ASMTL: variants seen among roughly 807,000 people sequenced by gnomAD.
ASMTL encodes the protein acetylserotonin O-methyltransferase like.
Under a neutral mutation model 60.3 loss-of-function variants are expected in ASMTL, and 57 were observed. The ratio of observed to expected loss-of-function variants is 0.95; its 90% CI spans 0.76 to 1.18. The LOEUF (loss-of-function observed/expected upper bound fraction) is 1.18, where lower values mean the gene tolerates loss of function less well. ASMTL is among the 50% of genes most tolerant of loss of function. The pLI, the probability that ASMTL is intolerant of heterozygous loss-of-function variation, is 0.00. For synonymous variants in ASMTL, 419 were observed against 373.0 expected (o/e 1.12, Z -1.42); for missense variants, 981 against 852.6 (o/e 1.15, Z -1.88).
In ASMTL at chrX:1,403,437, C is replaced by G; in HGVS notation, c.1698G>C (p.Ala566=). The G allele has an allele frequency of 1.2e-6, 2 of 1,613,230 alleles. No homozygotes were observed. Among genetic ancestry groups the G allele is most frequent in the Non-Finnish European group, 1.7e-6 (2 of 1,179,862 alleles). ...ETLLDEEKRV[A]QRALMQSLNM... is the part of the protein sequence containing the mutation. Reference sequence around the variant, plus strand: ...TCAGTGACTGCATCAGGGCGCGCTGCGCCACCCTCTTCTCCTCATCCAGGA... The same window carrying G: ...TCAGTGACTGCATCAGGGCGCGCTGGGCCACCCTCTTCTCCTCATCCAGGA... Residue 566 remains alanine (A), a synonymous_variant, in exon 13 of 13, where the codon GCG becomes GCC. Transcript: ENST00000381317.
At chrX:1,404,690 G>GCAGA (rs1556652071) in intron 12 of ASMTL, among the ~76,000 whole-genome samples, 4 of 144,632 alleles carry the variant, frequency 2.8e-5, no homozygotes, top group Admixed American at 2.7e-4. Context: ...TGATGGGTAG[G>GCAGA]TAGATGAATG....
chrX:1,405,176 G>A (rs868559527), intron 12 of ASMTL, among the ~76,000 whole-genome samples: 3 of 119,298 alleles, frequency 2.5e-5, no homozygotes, highest in African/African-American at 8.9e-5. Context: ...GGATGGTTGG[G>A]TGAATAGATG....
chrX:1,429,753 C>T (rs754653500), intron 6 of ASMTL, among the ~76,000 whole-genome samples: 46 of 151,754 alleles, frequency 3.0e-4, no homozygotes, highest in Non-Finnish European at 5.2e-4. Flanking sequence ...GCCAAGATCG[C>T]GCCACTGCAC....
chrX:1,419,964 G>C (rs1393291517), intron 9 of ASMTL, among the ~76,000 whole-genome samples: 1 of 151,712 alleles, frequency 6.6e-6, no homozygotes, highest in Admixed American at 6.6e-5. Context: ...CTCCGTCTGT[G>C]TGTCTCTGTC....
At chrX:1,417,525 ACACACACACACATG>A (rs2090333844) in intron 11 of ASMTL, among the ~76,000 whole-genome samples, 1 of 121,330 alleles carries the variant, frequency 8.2e-6, no homozygotes, top group Non-Finnish European at 1.6e-5. Context: ...ACAGACATGC[ACACACACACACATG>A]CACACAGACA....
chrX:1,421,784 C>G lies in ASMTL; in HGVS notation c.1119G>C (p.Leu373=), dbSNP rs764161709. ...CATTATTGTGCATGATGAAGCCGTGCAGAGAGTATTCGCCATCCGATGCCA... is the reference window on the plus strand; with the variant it reads ...CATTATTGTGCATGATGAAGCCGTGGAGAGAGTATTCGCCATCCGATGCCA... ...VYLASDGEYS[L]HGFIMHNNDL... Residue 373 remains leucine, a synonymous_variant, in exon 9 of 13, where the codon CTG becomes CTC. Coordinates refer to ENST00000381317, the MANE Select transcript of ASMTL (RefSeq NM_004192.4). The G allele has an allele frequency of 3.7e-6, 6 of 1,613,850 alleles. No homozygotes were observed. The highest frequency in any genetic ancestry group is 5.1e-6 in the Non-Finnish European group (6 of 1,179,824).
chrX:1,407,061 G>C (rs865966904), intron 12 of ASMTL, among the ~76,000 whole-genome samples: 50 of 149,522 alleles, frequency 3.3e-4, no homozygotes, highest in Non-Finnish European at 7.0e-4. Flanking sequence ...TGGATGGATG[G>C]ATGCATGCAT....
At chrX:1,432,157 C>T (rs368614697) in intron 6 of ASMTL, 112 bp downstream of exon 6, 11 of 842,970 alleles carry the variant, frequency 1.3e-5, no homozygotes, top group South Asian at 3.2e-5. Flanking sequence ...TGCCACACGG[C>T]CCCCGGAGCG....
At chrX:1,445,955 C>T (rs1203299329) in intron 1 of ASMTL, among the ~76,000 whole-genome samples, 2 of 152,014 alleles carry the variant, frequency 1.3e-5, no homozygotes, top group African/African-American at 4.8e-5. Context: ...AGACTCTGCT[C>T]CTCCACCTCC....
chrX:1,418,149 G>A (rs764746625), intron 10 of ASMTL, 33 bp from the exon 11 acceptor site: 6 of 1,563,218 alleles, frequency 3.8e-6, no homozygotes, highest in South Asian at 2.4e-5. Context: ...TCTGTGGCTG[G>A]GTCGTCTATG....
At chrX:1,410,652 T>G (rs2089975840) in intron 12 of ASMTL, among the ~76,000 whole-genome samples, 1 of 151,902 alleles carries the variant, frequency 6.6e-6, no homozygotes, top group Non-Finnish European at 1.5e-5. Context: ...GACCTCGAGA[T>G]CTGCCCGCTT....
chrX:1,420,080 ATC>A (rs1231088383), intron 9 of ASMTL, among the ~76,000 whole-genome samples: 2 of 144,560 alleles, frequency 1.4e-5, no homozygotes, highest in East Asian at 2.1e-4. Flanking sequence ...ATCTGCCTCT[ATC>A]TCTGTCTCTC....
At chrX:1,416,213 GCA>G (rs1388385526) in intron 11 of ASMTL, among the ~76,000 whole-genome samples, 1 of 124,354 alleles carries the variant, frequency 8.0e-6, no homozygotes, top group East Asian at 2.4e-4. Context: ...ACAGCAACAG[GCA>G]CACACAGACG....
At position 1,406,447 on chromosome X, in the gene ASMTL, G is replaced by GA. The variant is rs771041074; in HGVS notation, c.1646-2959dup. ...GGATGAGATGGATGGAGGGATGGGT[G>GA]AATAGATGGTAGATGATGGGTACGT... On this transcript the variant is annotated intron_variant, in intron 12 of 12. Transcript: ENST00000381317. 3.2e-4 allele frequency among the ~76,000 whole-genome samples: 49 copies of GA among 150,808 alleles called. 4 individuals are homozygous for GA. The East Asian group carries it at 9.8e-3, about 30-fold the overall frequency.
At chrX:1,432,433 CCT>C in intron 5 of ASMTL, 56 bp from the exon 6 acceptor site, 1 of 1,374,168 alleles carries the variant, frequency 7.3e-7, no homozygotes, top group Non-Finnish European at 1.0e-6. Context: ...ACCTCCGTGC[CCT>C]GACAGCTGCG....
intron 6 of ASMTL, among the ~76,000 whole-genome samples, chrX:1,431,304 A>G (rs1478663511): frequency 6.8e-5 from 9 of 131,564 alleles, no homozygotes; most frequent in African/African-American, 2.2e-4. Flanking sequence ...TATAAAATAT[A>G]TAAAATTATA....
At chrX:1,421,900 C>G in intron 8 of ASMTL, 58 bp from the exon 9 acceptor site, 1 of 1,498,680 alleles carries the variant, frequency 6.7e-7, no homozygotes, top group Non-Finnish European at 9.3e-7. Context: ...GGAAACCTGA[C>G]CGTAGGGGAT....
Position 1,403,279 on chromosome X carries a change from A to G in ASMTL, c.1856T>C (p.Val619Ala). 1.9e-6 allele frequency: 3 copies of G among 1,612,688 alleles called. No homozygotes were observed. Among genetic ancestry groups the G allele is most frequent in the Non-Finnish European group, 1.7e-6 (2 of 1,179,770 alleles). ...CATGCTGCCTGGGCTTCAGGGGGCC[A>G]CTTTGGTGGCCAAGATGGCATCCAG... ...GVLDAILATK[V>A]AP is the part of the protein sequence containing the mutation. The change falls in exon 13 of 13, where the codon GTG becomes GCG. Residue 619 changes from valine to alanine, a missense_variant. Physicochemically the swap from Val to Ala is moderately conservative, Grantham distance 64 (BLOSUM62 0). Transcript: ENST00000381317.
chrX:1,429,390 G>T (rs1347693053), intron 6 of ASMTL, among the ~76,000 whole-genome samples: 1 of 151,916 alleles, frequency 6.6e-6, no homozygotes, highest in Non-Finnish European at 1.5e-5. Context: ...TAAAGATGGG[G>T]TTTCACTCTG....
Sources: gnomAD v4.1 joint callset for allele counts (sites outside exome capture counted in the v4.1 genomes callset) on GRCh38, gnomAD v4.1.1 for gene constraint, MANE v1.5 for transcripts, NCBI Gene and HGNC (gene_info 2026-07-23, HGNC 2026-07-21) for gene names.